The following NOXA1 variants were observed in gnomAD, a reference collection of about 807,000 sequenced individuals.
NOXA1 encodes NADPH oxidase activator 1, also known as NCF2-like protein.
NOXA1 carries 56 observed loss-of-function variants against 64.8 expected under a neutral mutation model. The observed-to-expected ratio is 0.86, with a 90% CI of 0.70 to 1.08. The LOEUF (loss-of-function observed/expected upper bound fraction) is 1.08, where lower values mean the gene tolerates loss of function less well. NOXA1 is among the 50% of genes least tolerant of loss of function. The pLI, the probability that NOXA1 is intolerant of heterozygous loss-of-function variation, is 0.00. For synonymous variants in NOXA1, 295 were observed against 294.8 expected (o/e 1.00, Z -0.01); for missense variants, 668 against 658.5 (o/e 1.01, Z -0.16).
chr9:137,427,020 C>T (rs1196701711), intron 2 of NOXA1, among the ~76,000 whole-genome samples: 1 of 152,166 alleles, frequency 6.6e-6, no homozygotes, highest in Non-Finnish European at 1.5e-5. Flanking sequence ...TGGTCTCGAA[C>T]TCCTGACCTC....
At chr9:137,429,174 G>T (rs1398058419) in intron 4 of NOXA1, 102 bp from the exon 5 acceptor site, 7 of 1,323,098 alleles carry the variant, frequency 5.3e-6, no homozygotes, top group Non-Finnish European at 7.1e-6. Context: ...GAAGGGGGTG[G>T]GGGGCCCAAG....
rs1038439731 is a variant in NOXA1 at position 137,433,210 on chromosome 9, C to T, written c.856C>T (p.Pro286Ser). 21 of 1,607,704 alleles carry T rather than the reference C, an allele frequency of 1.3e-5. No homozygotes were observed. In the African/African-American group the frequency reaches 2.4e-4, roughly 18 times the overall value. Reference sequence around the variant, plus strand: ...AGTCTTGCTCTGTCCTACAGGGCTGCCGGCAATGGGGGGGCCTGGCCCCGG... The same window carrying T: ...AGTCTTGCTCTGTCCTACAGGGCTGTCGGCAATGGGGGGGCCTGGCCCCGG... ...GKQAPLSPGLPAMGGPGPGPC... is the reference protein window; with the variant it reads ...GKQAPLSPGLSAMGGPGPGPC... The change falls in exon 10 of 14, where the codon CCG becomes TCG. Residue 286 changes from proline (P) to serine (S), a missense_variant. Pro to Ser is a moderately conservative substitution (Grantham distance 74). Transcript: ENST00000683555.
In NOXA1 at chr9:137,423,687, A is replaced by G; in HGVS notation, c.158A>G (p.Asp53Gly). The change falls in exon 1 of 14, where the codon GAC becomes GGC. Residue 53 changes from aspartate (D) to glycine (G), a missense_variant. Asp to Gly is a moderately conservative substitution (Grantham distance 94, BLOSUM62 -1). Coordinates refer to ENST00000683555, the MANE Select transcript of NOXA1 (RefSeq NM_001256067.2). ...GGCTGCGTGCACCTGCTGGCCGGGG[A>G]CCCCGAGGCCGCGCTGCGGGTGAGC... ...NAGCVHLLAG[D>G]PEAALRAFDQ... is the part of the protein sequence containing the mutation. 7.5e-7 allele frequency: 1 copy of G among 1,337,260 alleles called. No homozygotes were observed. The highest frequency in any genetic ancestry group is 9.6e-7 in the Non-Finnish European group (1 of 1,044,874). The allele number at this position is 1,337,260 out of a possible 1,614,324, so 82.8% of individuals were successfully genotyped here.
In NOXA1 at chr9:137,428,945, C is replaced by G. The variant is rs1451054310; in HGVS notation, c.433C>G (p.Leu145Val). The stretch of plus-strand genomic sequence containing the variant: ...GCTCTGGACAGAGGCGGCCAGCAGC[C>G]TAAGGGAGGCCATGTCCAAGTGGCC... Reference protein sequence around the residue: ...LGLWTEAASSLREAMSKWPEG... With the variant: ...LGLWTEAASSVREAMSKWPEG... Residue 145 changes from leucine to valine, a missense_variant, in exon 4 of 14, where the codon CTA becomes GTA. Leu to Val is a conservative substitution (Grantham distance 32). Coordinates refer to ENST00000683555, the MANE Select transcript of NOXA1 (RefSeq NM_001256067.2). 63 of 1,598,480 alleles carry G rather than the reference C, an allele frequency of 3.9e-5. No homozygotes were observed. Among genetic ancestry groups the G allele is most frequent in the Non-Finnish European group, 5.3e-5 (62 of 1,173,598 alleles).
chr9:137,430,424 G>T (rs564974575), intron 5 of NOXA1, among the ~76,000 whole-genome samples: 1 of 152,354 alleles, frequency 6.6e-6, no homozygotes, highest in East Asian at 1.9e-4. Flanking sequence ...CCTGCGCTGC[G>T]CCACGGCCGA....
Position 137,434,317 on chromosome 9 carries a change from C to T in NOXA1, c.1388C>T (p.Ala463Val), listed in dbSNP as rs766651736. 1 of 1,607,426 alleles carries T rather than the reference C, an allele frequency of 6.2e-7. No individual in the cohort carries two copies. The highest frequency in any genetic ancestry group is 1.7e-5 in the Admixed American group (1 of 59,660). Reference protein sequence around the residue: ...VVPAGPRMSGAPGRLPRSQQG... With the variant: ...VVPAGPRMSGVPGRLPRSQQG... Reference sequence around the variant, plus strand: ...CCCGCCGGCCCTCGGATGTCAGGAGCCCCCGGCCGCCTGCCCCGATCCCAG... The same window carrying T: ...CCCGCCGGCCCTCGGATGTCAGGAGTCCCCGGCCGCCTGCCCCGATCCCAG... Residue 463 changes from alanine (A) to valine (V), a missense_variant, in exon 14 of 14, where the codon GCC (alanine) becomes GTC (valine). Coordinates refer to ENST00000683555, the MANE Select transcript of NOXA1 (RefSeq NM_001256067.2).
At position 137,433,375 on chromosome 9, in the gene NOXA1, A is replaced by G. The variant is rs1166951139; in HGVS notation, c.910-78A>G. ...CCCCTCACCTGCCCAGTCTCTGTCC[A>G]CACCCCTCGGGCTGAAGACGGCCCT... On this transcript the variant is annotated intron_variant, in intron 10 of 13. Transcript: ENST00000683555. 40 of 1,512,066 alleles carry G rather than the reference A, an allele frequency of 2.6e-5. 1 individual carries two copies. The East Asian group carries it at 6.2e-4, about 23-fold the overall frequency. 93.7% of individuals were successfully genotyped at this position (1,512,066 alleles called of 1,614,324 possible). A position where few individuals can be genotyped will look rare whatever the true frequency, so the allele number is the denominator to read the frequency against.
In NOXA1 at chr9:137,431,465, C is replaced by G; in HGVS notation, c.804+124C>G. 1.3e-6 allele frequency: 1 copy of G among 790,708 alleles called. No individual in the cohort carries two copies. Among genetic ancestry groups the G allele is most frequent in the Non-Finnish European group, 2.0e-6 (1 of 488,200 alleles). The allele number at this position is 790,708 out of a possible 1,614,324, so 49.0% of individuals were successfully genotyped here. A position where few individuals can be genotyped will look rare whatever the true frequency, so the allele number is the denominator to read the frequency against. On this transcript the variant is annotated intron_variant, in intron 8 of 13. Transcript: ENST00000683555. This position sits in a 1 kb window ranked among gnomAD's most constrained non-coding sequence, Gnocchi z 5.6. Reference sequence around the variant, plus strand: ...CAGCTCGCTGGGGGGTAGACGGGGCCGGGCTCACCCGTGGTCCTGGCCCAG... The same window carrying G: ...CAGCTCGCTGGGGGGTAGACGGGGCGGGGCTCACCCGTGGTCCTGGCCCAG...
At position 137,423,549 on chromosome 9, in the gene NOXA1, TGGTGCGCGC is replaced by T; in HGVS notation, c.21_29del (p.Val8_Ala10del). 6.9e-7 allele frequency: 1 copy of T among 1,441,538 alleles called. No individual in the cohort carries two copies. Among genetic ancestry groups the T allele is most frequent in the Non-Finnish European group, 9.1e-7 (1 of 1,094,814 alleles). 89.3% of individuals were successfully genotyped at this position (1,441,538 alleles called of 1,614,324 possible). Reference sequence around the variant, plus strand: ...GCCGCCATGGCCTCTCTGGGGGACCTGGTGCGCGCCTGGCACCTGGGCGCGCAGGCTGTG... The same window carrying T: ...GCCGCCATGGCCTCTCTGGGGGACCTCTGGCACCTGGGCGCGCAGGCTGTG... On this transcript the variant is annotated inframe_deletion, in exon 1 of 14. Transcript: ENST00000683555.
At chr9:137,432,445 C>A (rs1292016301) in intron 8 of NOXA1, among the ~76,000 whole-genome samples, 1 of 152,036 alleles carries the variant, frequency 6.6e-6, no homozygotes, top group African/African-American at 2.4e-5. Context: ...CTGGGCATGG[C>A]GGCGGGCACC....
At position 137,433,231 on chromosome 9, in the gene NOXA1, C is replaced by A. The variant is rs779019621; in HGVS notation, c.877C>A (p.Pro293Thr). ...GCTGCCGGCAATGGGGGGGCCTGGC[C>A]CCGGCCCCTGTGAGGACCCCGCGGG... The part of the protein sequence containing the change: ...PGLPAMGGPG[P>T]GPCEDPAGAG... The change falls in exon 10 of 14, where the codon CCC becomes ACC. Residue 293 changes from proline to threonine, a missense_variant. Pro to Thr is a conservative substitution (Grantham distance 38). Transcript: ENST00000683555. The A allele has an allele frequency of 4.4e-6, 7 of 1,603,354 alleles. No homozygotes were observed. The highest frequency in any genetic ancestry group is 6.0e-6 in the Non-Finnish European group (7 of 1,176,192).
chr9:137,426,135 G>T, intron 1 of NOXA1, 113 bp from the exon 2 acceptor site: 1 of 957,252 alleles, frequency 1.0e-6, no homozygotes, highest in Non-Finnish European at 1.7e-6. Flanking sequence ...GGGCTGTGGG[G>T]GGTCCCCAGG....
intron 5 of NOXA1, among the ~76,000 whole-genome samples, chr9:137,430,172 T>C (rs1486559966): frequency 2.0e-5 from 3 of 151,180 alleles, no homozygotes; most frequent in Non-Finnish European, 4.4e-5. Context: ...CTGCCACAGA[T>C]AGCAAGGTCT....
intron 1 of NOXA1, among the ~76,000 whole-genome samples, chr9:137,424,925 A>G (rs1261483816): frequency 3.3e-5 from 5 of 152,176 alleles, no homozygotes; most frequent in African/African-American, 1.2e-4. Context: ...TGTTAGGAAT[A>G]TGGGAACTTA....
chr9:137,433,353 C>T, intron 10 of NOXA1, 90 bp downstream of exon 10: 1 of 1,490,140 alleles, frequency 6.7e-7, no homozygotes, highest in Non-Finnish European at 9.0e-7. Context: ...GCAAGCCCCC[C>T]TCACCTGCCC....
At chr9:137,426,475 T>TGGGTC (rs59438560) in intron 2 of NOXA1, 145 bp downstream of exon 2, 216,594 of 730,540 alleles carry the variant, frequency 0.3, 35,931 homozygotes, top group East Asian at 0.62. Context: ...CAGGGAAACC[T>TGGGTC]GAGACTGTGG....
intron 1 of NOXA1, among the ~76,000 whole-genome samples, chr9:137,425,162 C>T (rs1305253331): frequency 6.6e-6 from 1 of 152,142 alleles, no homozygotes; most frequent in African/African-American, 2.4e-5. Context: ...AACGACAAGC[C>T]CCCACTCAGC....
chr9:137,427,993 C>G (rs1004018583), intron 2 of NOXA1, 40 bp from the exon 3 acceptor site: 86 of 1,410,260 alleles, frequency 6.1e-5, no homozygotes, highest in Non-Finnish European at 7.9e-5. Context: ...ACAGCCCCAT[C>G]TCCGCCCTGT....
In NOXA1 at chr9:137,426,341, G is replaced by A; in HGVS notation, c.260+11G>A. The stretch of plus-strand genomic sequence containing the variant: ...CTTCCAGCTGGCAAGGTGAGTACAG[G>A]GGTGCCTTGTTCCTTCTCTGACGGC... On this transcript the variant is annotated intron_variant, in intron 2 of 13. Coordinates refer to ENST00000683555, the MANE Select transcript of NOXA1 (RefSeq NM_001256067.2). The A allele has an allele frequency of 6.2e-7, 1 of 1,612,204 alleles. No individual in the cohort carries two copies. Among genetic ancestry groups the A allele is most frequent in the Non-Finnish European group, 8.5e-7 (1 of 1,178,708 alleles).
Sources: gnomAD v4.1 joint callset for allele counts (sites outside exome capture counted in the v4.1 genomes callset) on GRCh38, gnomAD v4.1.1 for gene constraint, Gnocchi (gnomAD v3.1) non-coding constraint, MANE v1.5 for transcripts, NCBI Gene and HGNC (gene_info 2026-07-23, HGNC 2026-07-21) for gene names.